ACSS1: variants seen among roughly 807,000 people sequenced by gnomAD.
ACSS1 encodes acetyl-coenzyme A synthetase 2-like, mitochondrial.
Under a neutral mutation model 75.3 loss-of-function variants are expected in ACSS1, and 42 were observed. The observed-to-expected ratio is 0.56, with a 90% CI of 0.44 to 0.72. The LOEUF (loss-of-function observed/expected upper bound fraction) is 0.72. Ranked by LOEUF, ACSS1 falls within the 30% of genes least tolerant of loss-of-function variation. The pLI is 0.00. For synonymous variants in ACSS1, 380 were observed against 376.8 expected (o/e 1.01, Z -0.10); for missense variants, 782 against 935.7 (o/e 0.84, Z 2.14).
intron 2 of ACSS1, among the ~76,000 whole-genome samples, chr20:25,045,081 A>G (rs530047466): frequency 1.3e-5 from 2 of 152,348 alleles, no homozygotes; most frequent in African/African-American, 2.4e-5. Flanking sequence ...GTGAGTACTC[A>G]ATAAATAGCA....
At chr20:25,021,891 G>A (rs1236192986) in intron 5 of ACSS1, among the ~76,000 whole-genome samples, 1 of 152,164 alleles carries the variant, frequency 6.6e-6, no homozygotes, top group Non-Finnish European at 1.5e-5. Context: ...CAACTGAGTG[G>A]AGCCTGATCC....
chr20:25,032,247 C>T lies in ACSS1; in HGVS notation c.432-1289G>A, dbSNP rs73346954. On this transcript the variant is annotated intron_variant, in intron 2 of 13. Coordinates refer to ENST00000323482, the MANE Select transcript of ACSS1 (RefSeq NM_032501.4). Reference sequence around the variant, plus strand: ...CACCAGGTTCACCCACCACTCAGGGCGCATCATCTCTCTGGGCAAGCTGAT... The same window carrying T: ...CACCAGGTTCACCCACCACTCAGGGTGCATCATCTCTCTGGGCAAGCTGAT... 1,119 of 882,042 alleles carry T rather than the reference C, an allele frequency of 1.3e-3. 11 individuals carry two copies. The African/African-American group carries it at 0.016, about 13-fold the overall frequency. The allele number at this position is 882,042 out of a possible 1,614,324, so 54.6% of individuals were successfully genotyped here. A position where few individuals can be genotyped will look rare whatever the true frequency, so the allele number is the denominator to read the frequency against.
chr20:25,017,228 T>C (rs1487091348), intron 7 of ACSS1, among the ~76,000 whole-genome samples: 1 of 152,194 alleles, frequency 6.6e-6, no homozygotes, highest in East Asian at 1.9e-4. Flanking sequence ...CATGTATTAC[T>C]TATGAAATTG....
intron 1 of ACSS1, among the ~76,000 whole-genome samples, chr20:25,053,262 C>T (rs1233630541): frequency 6.8e-6 from 1 of 146,246 alleles, no homozygotes; most frequent in Non-Finnish European, 1.5e-5. Flanking sequence ...ATGGGGTTCT[C>T]ACTACGTTGC....
intron 1 of ACSS1, among the ~76,000 whole-genome samples, chr20:25,057,120 C>T (rs1198993012): frequency 1.3e-5 from 2 of 152,108 alleles, no homozygotes; most frequent in Non-Finnish European, 2.9e-5. Flanking sequence ...CGCTGGGGTG[C>T]AGTTCTCTGA....
chr20:25,049,832 A>G (rs1451259599), intron 1 of ACSS1, among the ~76,000 whole-genome samples: 2 of 151,860 alleles, frequency 1.3e-5, no homozygotes, highest in African/African-American at 4.8e-5. Context: ...AGTCTGTCCC[A>G]CCGCCCCACC....
At chr20:25,020,248 C>G in intron 6 of ACSS1, 101 bp from the exon 7 acceptor site, 1 of 1,496,530 alleles carries the variant, frequency 6.7e-7, no homozygotes, top group South Asian at 1.2e-5. Flanking sequence ...CATGTGCAGA[C>G]GCGCATATGT....
At position 25,029,248 on chromosome 20, in the gene ACSS1, A is replaced by G. The variant is rs139198895; in HGVS notation, c.631+1511T>C. ...TAAGTAGACTTTGTCCAGTGAAAAC[A>G]TACAAATGGCCAACAAGTACATAAA... On this transcript the variant is annotated intron_variant, in intron 3 of 13. Transcript: ENST00000323482. 5.2e-3 allele frequency among the ~76,000 whole-genome samples: 790 copies of G among 152,370 alleles called. 13 individuals carry two copies. The highest frequency in any genetic ancestry group is 0.017 in the African/African-American group (727 of 41,598).
intron 6 of ACSS1, among the ~76,000 whole-genome samples, chr20:25,020,528 T>C (rs994005769): frequency 3.5e-4 from 54 of 152,356 alleles, no homozygotes; most frequent in African/African-American, 1.3e-3. Flanking sequence ...CTTCCCCTGG[T>C]GACAGTACAG....
chr20:25,035,636 T>G (rs2088898181), intron 2 of ACSS1, among the ~76,000 whole-genome samples: 1 of 152,068 alleles, frequency 6.6e-6, no homozygotes, highest in Non-Finnish European at 1.5e-5. Context: ...ACTCCTGACC[T>G]CAAGTGATCC....
intron 2 of ACSS1, among the ~76,000 whole-genome samples, chr20:25,031,468 A>G (rs760010915): frequency 6.6e-6 from 1 of 152,224 alleles, no homozygotes; most frequent in Non-Finnish European, 1.5e-5. Context: ...CTTATGCACT[A>G]AAATGCCAAG....
At chr20:25,055,202 T>C (rs1422664195) in intron 1 of ACSS1, among the ~76,000 whole-genome samples, 1 of 152,274 alleles carries the variant, frequency 6.6e-6, no homozygotes, top group Non-Finnish European at 1.5e-5. Context: ...TCCAAAGTCC[T>C]GACTCACAGA....
intron 2 of ACSS1, chr20:25,031,274 A>T (rs2088819893): frequency 2.4e-6 from 1 of 408,198 alleles, no homozygotes; most frequent in Non-Finnish European, 4.5e-6. Context: ...TTTTAGAATC[A>T]ATTCCATCTT....
At chr20:25,018,046 G>GACC in intron 7 of ACSS1, among the ~76,000 whole-genome samples, 1 of 152,348 alleles carries the variant, frequency 6.6e-6, no homozygotes, top group African/African-American at 2.4e-5. Context: ...TGCCAAGAGA[G>GACC]ACCACCCAAA....
intron 2 of ACSS1, chr20:25,032,738 C>T (rs2088848486): frequency 1.7e-5 from 18 of 1,089,868 alleles, no homozygotes; most frequent in Middle Eastern, 3.9e-4. Context: ...CGAGGCCACC[C>T]GGGAAACCAC....
At chr20:25,034,457 C>T (rs6050262) in intron 2 of ACSS1, among the ~76,000 whole-genome samples, 7,043 of 152,252 alleles carry the variant, frequency 0.046, 340 homozygotes, top group African/African-American at 0.11. Flanking sequence ...CCCTCCATGA[C>T]GGCACTCGAT....
intron 4 of ACSS1, 97 bp from the exon 5 acceptor site, chr20:25,023,189 GA>G: frequency 7.0e-7 from 1 of 1,434,872 alleles, no homozygotes; most frequent in South Asian, 1.4e-5. Context: ...ACAGGATTCA[GA>G]ATTCACCTGC....
At chr20:25,011,530 G>A (rs770089228) in intron 12 of ACSS1, 1 of 152,278 alleles carries the variant, frequency 6.6e-6, no homozygotes, top group African/African-American at 2.4e-5. Context: ...GGTAACCTCA[G>A]GGGGGCACTA....
At chr20:25,022,804 G>T (rs903944883) in intron 5 of ACSS1, 136 bp downstream of exon 5, 3 of 1,251,108 alleles carry the variant, frequency 2.4e-6, no homozygotes, top group South Asian at 1.7e-5. Context: ...ACTCGAGGGG[G>T]CCCTGCCCCG....
Sources: gnomAD v4.1 joint callset for allele counts (sites outside exome capture counted in the v4.1 genomes callset) on GRCh38, gnomAD v4.1.1 for gene constraint, MANE v1.5 for transcripts, NCBI Gene and HGNC (gene_info 2026-07-23, HGNC 2026-07-21) for gene names.